VEZT: variants seen among roughly 807,000 people sequenced by gnomAD.
The protein encoded by VEZT is vezatin, adherens junctions transmembrane protein.
VEZT carries 39 observed loss-of-function variants against 79.9 expected under a neutral mutation model. That is an observed-to-expected ratio of 0.49 (90% CI 0.38 to 0.64). The LOEUF is 0.64. Among genes scored for constraint, VEZT ranks in the 30% least tolerant of loss-of-function variants. VEZT has a pLI of 0.00. For missense variants in VEZT, 837 were observed against 893.1 expected (o/e 0.94, Z 0.80); for synonymous variants, 325 against 327.6 (o/e 0.99, Z 0.09).
intron 2 of VEZT, among the ~76,000 whole-genome samples, chr12:95,255,289 C>A (rs920073404): frequency 6.6e-6 from 1 of 152,150 alleles, no homozygotes; most frequent in Non-Finnish European, 1.5e-5. Context: ...CATACCATTT[C>A]CAATCGCGCT....
At chr12:95,266,049 C>T (rs1368272427) in intron 4 of VEZT, among the ~76,000 whole-genome samples, 1 of 152,112 alleles carries the variant, frequency 6.6e-6, no homozygotes, top group Non-Finnish European at 1.5e-5. Context: ...TCAGTCAGCA[C>T]CTACAGAGAA....
At chr12:95,265,778 G>A (rs563271977) in intron 4 of VEZT, among the ~76,000 whole-genome samples, 126 of 152,044 alleles carry the variant, frequency 8.3e-4, no homozygotes, top group Non-Finnish European at 1.5e-3. Flanking sequence ...AGGTTTGAAC[G>A]CATAGGATTT....
chr12:95,279,022 A>G (rs1052873946), intron 7 of VEZT, among the ~76,000 whole-genome samples: 6 of 152,230 alleles, frequency 3.9e-5, no homozygotes, highest in Non-Finnish European at 7.3e-5. Context: ...GTGAGCCAAG[A>G]TCGTGCCATT....
chr12:95,258,022 G>A (rs548728768), intron 3 of VEZT, among the ~76,000 whole-genome samples: 22 of 152,234 alleles, frequency 1.4e-4, no homozygotes, highest in Middle Eastern at 3.4e-3. Flanking sequence ...AAGTGATAGA[G>A]CCAGAATTTG....
intron 10 of VEZT, among the ~76,000 whole-genome samples, chr12:95,295,843 A>C (rs1270750756): frequency 6.6e-6 from 1 of 152,222 alleles, no homozygotes. Flanking sequence ...AATGCTTTTT[A>C]GTATCAACTG....
chr12:95,286,072 AAC>A (rs2070757947), intron 8 of VEZT, among the ~76,000 whole-genome samples: 1 of 136,552 alleles, frequency 7.3e-6, no homozygotes, highest in Non-Finnish European at 1.5e-5. Context: ...GGCTCACTGC[AAC>A]CTCTGCCTCC....
intron 4 of VEZT, among the ~76,000 whole-genome samples, chr12:95,264,822 C>T (rs2065184953): frequency 6.6e-6 from 1 of 150,900 alleles, no homozygotes; most frequent in Non-Finnish European, 1.5e-5. Context: ...TGTTTTTCAG[C>T]TATTCTCAGA....
intron 1 of VEZT, among the ~76,000 whole-genome samples, chr12:95,250,545 T>G (rs887526068): frequency 1.3e-5 from 2 of 151,874 alleles, no homozygotes; most frequent in African/African-American, 4.8e-5. Context: ...TCAGATGATC[T>G]GCCTGCCTCA....
intron 7 of VEZT, among the ~76,000 whole-genome samples, chr12:95,276,646 T>G (rs912737190): frequency 6.6e-6 from 1 of 152,190 alleles, no homozygotes; most frequent in African/African-American, 2.4e-5. Context: ...CTTTAGATGT[T>G]TCTTTGTTTT....
At chr12:95,261,254 A>G (rs968587495) in intron 3 of VEZT, among the ~76,000 whole-genome samples, 2 of 152,110 alleles carry the variant, frequency 1.3e-5, no homozygotes, top group Non-Finnish European at 2.9e-5. Flanking sequence ...TGTGGGGATG[A>G]TTAAATTAAC....
intron 9 of VEZT, among the ~76,000 whole-genome samples, chr12:95,291,858 G>A (rs1388429818): frequency 6.6e-6 from 1 of 152,132 alleles, no homozygotes; most frequent in Non-Finnish European, 1.5e-5. Context: ...GAGTGCATTG[G>A]CGCAATTTCA....
intron 1 of VEZT, among the ~76,000 whole-genome samples, chr12:95,251,216 G>C (rs980869312): frequency 4.6e-5 from 7 of 152,066 alleles, no homozygotes; most frequent in Admixed American, 2.6e-4. Context: ...TCACCATGTT[G>C]GCCAGGCTGG....
At chr12:95,256,564 TAATC>T (rs1385185049) in intron 2 of VEZT, 4 of 1,288,780 alleles carry the variant, frequency 3.1e-6, no homozygotes, top group Non-Finnish European at 4.0e-6. Flanking sequence ...TGGGATATAG[TAATC>T]ACTCAATGAA....
intron 1 of VEZT, among the ~76,000 whole-genome samples, chr12:95,244,894 T>C (rs1485422158): frequency 6.6e-6 from 1 of 152,154 alleles, no homozygotes; most frequent in African/African-American, 2.4e-5. Flanking sequence ...GCTTATTTTG[T>C]AGCATAAGAT....
intron 1 of VEZT, among the ~76,000 whole-genome samples, chr12:95,250,318 T>TG (rs2062376798): frequency 7.1e-6 from 1 of 140,110 alleles, no homozygotes; most frequent in Non-Finnish European, 1.6e-5. Flanking sequence ...TTTTTTTTTT[T>TG]GTGAGACAAA....
intron 1 of VEZT, among the ~76,000 whole-genome samples, chr12:95,251,518 T>A (rs1020378645): frequency 6.6e-6 from 1 of 152,210 alleles, no homozygotes; most frequent in African/African-American, 2.4e-5. Context: ...AATATTATAA[T>A]TCATACAATA....
chr12:95,218,785 T>A (rs1477617396), intron 1 of VEZT, among the ~76,000 whole-genome samples: 2 of 152,242 alleles, frequency 1.3e-5, no homozygotes, highest in Non-Finnish European at 2.9e-5. Flanking sequence ...TAATTTCTGT[T>A]CTTGCGGCCT....
intron 1 of VEZT, 160 bp from the exon 2 acceptor site, chr12:95,251,780 A>G (rs1446140038): frequency 6.5e-6 from 3 of 464,912 alleles, no homozygotes; most frequent in Non-Finnish European, 1.1e-5. Flanking sequence ...TTTGTGTTAA[A>G]TGGCATTGTA....
chr12:95,240,341 A>G (rs1346003938), intron 1 of VEZT, among the ~76,000 whole-genome samples: 1 of 152,192 alleles, frequency 6.6e-6, no homozygotes, highest in Non-Finnish European at 1.5e-5. Flanking sequence ...TGACACCCCA[A>G]CATAATTTTT....
Sources: gnomAD v4.1 joint callset for allele counts (sites outside exome capture counted in the v4.1 genomes callset) on GRCh38, gnomAD v4.1.1 for gene constraint, MANE v1.5 for transcripts, NCBI Gene and HGNC (gene_info 2026-07-23, HGNC 2026-07-21) for gene names.